The following CCDC92 variants were observed in gnomAD, a reference collection of about 807,000 sequenced individuals.
CCDC92 encodes the protein coiled-coil domain-containing protein 92.
A neutral mutation model predicts 24.9 loss-of-function variants in CCDC92; 12 were observed. The ratio of observed to expected loss-of-function variants is 0.48; its 90% CI spans 0.31 to 0.78. The LOEUF (loss-of-function observed/expected upper bound fraction) is 0.78, where lower values mean the gene tolerates loss of function less well. Ranked by LOEUF, CCDC92 falls within the 30% of genes least tolerant of loss-of-function variation. The probability of loss-of-function intolerance (pLI) is 0.05; values close to 1 mark genes in which losing one functional copy is unlikely to be tolerated. For missense variants in CCDC92, 399 were observed against 439.4 expected, an observed-to-expected ratio of 0.91 and a Z score of 0.82; for synonymous variants, 193 against 196.3, an observed-to-expected ratio of 0.98 and a Z score of 0.14.
intron 2 of CCDC92, 125 bp from the exon 3 acceptor site, chr12:123,943,618 T>C (rs771556675): frequency 7.2e-5 from 73 of 1,009,004 alleles, no homozygotes; most frequent in Non-Finnish European, 9.9e-5. Flanking sequence ...CCACGGCTCC[T>C]GAAGGGCAGG....
chr12:123,951,177 C>T lies in CCDC92; in HGVS notation c.-59-6813G>A, dbSNP rs564324970. On this transcript the variant is annotated intron_variant, in intron 1 of 4. Transcript: ENST00000238156. The stretch of plus-strand genomic sequence containing the variant: ...ATACGTGCTGCAGATCATTTCCTAC[C>T]GCTTCATAATGGCACCGAGTGGAGA... Among the ~76,000 whole-genome samples, 15 of 152,282 alleles carry T rather than the reference C, an allele frequency of 9.9e-5. No individual in the cohort carries two copies. In the South Asian group the frequency reaches 1.9e-3, roughly 19 times the overall value.
At chr12:123,952,967 C>CT (rs1256256211) in intron 1 of CCDC92, among the ~76,000 whole-genome samples, 5 of 152,166 alleles carry the variant, frequency 3.3e-5, no homozygotes, top group Non-Finnish European at 7.4e-5. Flanking sequence ...TGCAACCTCT[C>CT]TGAGTCCTCA....
At position 123,937,193 on chromosome 12, in the gene CCDC92, G is replaced by A. The variant is rs780473215; in HGVS notation, c.861C>T (p.Ala287=). The A allele has an allele frequency of 1.2e-6, 2 of 1,609,822 alleles. No homozygotes were observed. The highest frequency in any genetic ancestry group is 4.5e-5 in the East Asian group (2 of 44,852). The change falls in exon 5 of 5, where the codon GCC becomes GCT. Residue 287 remains alanine, a synonymous_variant. Transcript: ENST00000238156. This position sits in a 1 kb window ranked among gnomAD's most constrained non-coding sequence, Gnocchi z 8.4. The part of the protein sequence containing the change: ...HSPAREKPHK[A]HVGVAHRIHH... Reference sequence around the variant, plus strand: ...GGATCCGATGTGCCACCCCGACGTGGGCCTTGTGCGGCTTTTCGCGGGCCG... The same window carrying A: ...GGATCCGATGTGCCACCCCGACGTGAGCCTTGTGCGGCTTTTCGCGGGCCG...
At chr12:123,965,075 T>A (rs899859285) in intron 1 of CCDC92, among the ~76,000 whole-genome samples, 1 of 152,238 alleles carries the variant, frequency 6.6e-6, no homozygotes, top group Non-Finnish European at 1.5e-5. Context: ...GTCTTTTTTT[T>A]AAATACTTGT....
At chr12:123,960,352 C>A (rs554227195) in intron 1 of CCDC92, among the ~76,000 whole-genome samples, 19 of 152,264 alleles carry the variant, frequency 1.2e-4, no homozygotes, top group African/African-American at 4.3e-4. Context: ...AATGGGAAAG[C>A]TCGCAAATAA....
chr12:123,965,221 T>C (rs1290686688), intron 1 of CCDC92, among the ~76,000 whole-genome samples: 1 of 152,206 alleles, frequency 6.6e-6, no homozygotes, highest in African/African-American at 2.4e-5. Context: ...ATGACGTGTG[T>C]GCTTGTACGT....
At chr12:123,942,697 C>T (rs1263765997) in intron 4 of CCDC92, 47 bp downstream of exon 4, 2 of 1,498,298 alleles carry the variant, frequency 1.3e-6, no homozygotes, top group Admixed American at 3.3e-5. Context: ...CAACACGTAC[C>T]ACAAAGGGAA....
At chr12:123,965,853 TG>T (rs1956379946) in intron 1 of CCDC92, among the ~76,000 whole-genome samples, 1 of 152,066 alleles carries the variant, frequency 6.6e-6, no homozygotes, top group African/African-American at 2.4e-5. Context: ...ATCAGCACTG[TG>T]TGAGTTGTTT....
At position 123,936,367 on chromosome 12, in the gene CCDC92, C is replaced by T. The variant is rs574115983; in HGVS notation, c.*691G>A. 1 of 152,676 alleles carries T rather than the reference C, an allele frequency of 6.5e-6. No individual in the cohort carries two copies. Among genetic ancestry groups the T allele is most frequent in the East Asian group, 1.9e-4 (1 of 5,184 alleles). 9.5% of individuals were successfully genotyped at this position (152,676 alleles called of 1,614,324 possible). A position where few individuals can be genotyped will look rare whatever the true frequency, so the allele number is the denominator to read the frequency against. On this transcript the variant is annotated 3_prime_UTR_variant, in exon 5 of 5. Coordinates refer to ENST00000238156, the MANE Select transcript of CCDC92 (RefSeq NM_025140.3). ...TCCCTCCTGCAGTCTCCTAGCCCTC[C>T]TTCAGGTGTTTGTTTAATAAAAGAC...
chr12:123,966,620 G>C (rs1297594129), intron 1 of CCDC92: 2 of 152,184 alleles, frequency 1.3e-5, no homozygotes, highest in Non-Finnish European at 2.9e-5. Flanking sequence ...TCTTCAGTAG[G>C]AACATGCTGG....
In CCDC92 at chr12:123,936,025, G is replaced by C. The variant is rs1350641694; in HGVS notation, c.*1033C>G. 1 of 153,016 alleles carries C rather than the reference G, an allele frequency of 6.5e-6. No homozygotes were observed. Among genetic ancestry groups the C allele is most frequent in the East Asian group, 1.9e-4 (1 of 5,192 alleles). The allele number at this position is 153,016 out of a possible 1,614,324, so 9.5% of individuals were successfully genotyped here. A position where few individuals can be genotyped will look rare whatever the true frequency, so the allele number is the denominator to read the frequency against. ...TTGTTGAGCTTAGTGTTTAGTTCCT[G>C]CATGAGCTTCTACCCCCAGCCTGCC... On this transcript the variant is annotated 3_prime_UTR_variant, in exon 5 of 5. Coordinates refer to ENST00000238156, the MANE Select transcript of CCDC92 (RefSeq NM_025140.3).
intron 1 of CCDC92, chr12:123,971,600 C>T (rs1387878088): frequency 6.6e-6 from 1 of 152,234 alleles, no homozygotes; most frequent in Non-Finnish European, 1.5e-5. Flanking sequence ...CCGACTACTG[C>T]AACCTAAGCT....
intron 1 of CCDC92, chr12:123,945,530 C>T (rs548025871): frequency 3.9e-5 from 6 of 152,368 alleles, no homozygotes; most frequent in African/African-American, 1.4e-4. Flanking sequence ...AGGGTGAGCA[C>T]CTTCTGACCT....
chr12:123,938,782 T>G (rs866926981), intron 4 of CCDC92, among the ~76,000 whole-genome samples: 1 of 152,188 alleles, frequency 6.6e-6, no homozygotes, highest in Admixed American at 6.5e-5. Context: ...CAAGTCCAGA[T>G]AGCTGCTCTG....
At position 123,937,425 on chromosome 12, in the gene CCDC92, A is replaced by G. The variant is rs781701790; in HGVS notation, c.629T>C (p.Leu210Pro). ...ETPRRRMKKSLSAPLHPEFEE... is the reference protein window; with the variant it reads ...ETPRRRMKKSPSAPLHPEFEE... The stretch of plus-strand genomic sequence containing the variant: ...AAATTCCGGGTGCAAGGGGGCTGAG[A>G]GGCTCTTTTTCATGCGGCGGCGAGG... The change falls in exon 5 of 5, where the codon CTC becomes CCC. Residue 210 changes from leucine (L) to proline (P), a missense_variant. Leu to Pro is a moderately conservative substitution (Grantham distance 98, BLOSUM62 -3). Coordinates refer to ENST00000238156, the MANE Select transcript of CCDC92 (RefSeq NM_025140.3). This position sits in a 1 kb window ranked among gnomAD's most constrained non-coding sequence, Gnocchi z 8.4. The G allele has an allele frequency of 6.2e-7, 1 of 1,613,602 alleles. No individual in the cohort carries two copies. Among genetic ancestry groups the G allele is most frequent in the Non-Finnish European group, 8.5e-7 (1 of 1,179,956 alleles).
At chr12:123,951,388 AGATT>A (rs1956021898) in intron 1 of CCDC92, among the ~76,000 whole-genome samples, 1 of 152,222 alleles carries the variant, frequency 6.6e-6, no homozygotes, top group Non-Finnish European at 1.5e-5. Context: ...TAAAAATGGG[AGATT>A]GTTTCTGAGC....
intron 1 of CCDC92, among the ~76,000 whole-genome samples, chr12:123,954,222 G>C (rs1956097792): frequency 6.6e-6 from 1 of 152,116 alleles, no homozygotes; most frequent in Non-Finnish European, 1.5e-5. Context: ...AATAATTAAT[G>C]GGAAGGTAGT....
chr12:123,966,535 C>T (rs1187000668), intron 1 of CCDC92: 1 of 152,176 alleles, frequency 6.6e-6, no homozygotes, highest in East Asian at 1.9e-4. Context: ...GTTCAGCAGT[C>T]CAAACATCAC....
intron 1 of CCDC92, among the ~76,000 whole-genome samples, chr12:123,949,849 C>T (rs113441393): frequency 1.3e-5 from 2 of 152,250 alleles, no homozygotes; most frequent in Admixed American, 6.5e-5. Context: ...GGCCCGGCCT[C>T]GCCGAGTATG....
Sources: gnomAD v4.1 joint callset for allele counts (sites outside exome capture counted in the v4.1 genomes callset) on GRCh38, gnomAD v4.1.1 for gene constraint, Gnocchi (gnomAD v3.1) non-coding constraint, MANE v1.5 for transcripts, NCBI Gene and HGNC (gene_info 2026-07-23, HGNC 2026-07-21) for gene names.